CTNNA3: variants seen among roughly 807,000 people sequenced by gnomAD.
The protein encoded by CTNNA3 is catenin alpha 3, also known as catenin alpha-3.
A neutral mutation model predicts 95.7 loss-of-function variants in CTNNA3; 76 were observed. The ratio of observed to expected loss-of-function variants is 0.79; its 90% CI spans 0.66 to 0.96. CTNNA3 has a LOEUF of 0.96. CTNNA3 is among the 40% of genes least tolerant of loss of function. The probability of loss-of-function intolerance (pLI) is 0.00; values close to 1 mark genes in which losing one functional copy is unlikely to be tolerated. For missense variants in CTNNA3, 1,191 were observed against 1,089.8 expected (o/e 1.09, Z -1.31); for synonymous variants, 431 against 374.4 (o/e 1.15, Z -1.74).
chr10:66,426,763 A>G (rs1416625714), intron 11 of CTNNA3, among the ~76,000 whole-genome samples: 1 of 151,778 alleles, frequency 6.6e-6, no homozygotes, highest in Non-Finnish European at 1.5e-5. Context: ...AATTTGAAAG[A>G]TCATCCCACT....
chr10:66,658,385 A>C (rs1246552001), intron 9 of CTNNA3, among the ~76,000 whole-genome samples: 3 of 152,210 alleles, frequency 2.0e-5, no homozygotes, highest in Non-Finnish European at 4.4e-5. Context: ...GAAATAAATA[A>C]ATAAAAATTT....
At chr10:66,469,163 G>C (rs10997152) in intron 11 of CTNNA3, among the ~76,000 whole-genome samples, 9,405 of 151,852 alleles carry the variant, frequency 0.062, 609 homozygotes, top group African/African-American at 0.16. Context: ...AACAGTCTCT[G>C]ACCTTTTGGG....
At chr10:66,179,018 C>A (rs1477298199) in intron 13 of CTNNA3, among the ~76,000 whole-genome samples, 2 of 151,928 alleles carry the variant, frequency 1.3e-5, no homozygotes, top group African/African-American at 2.4e-5. Context: ...ACTAACCATG[C>A]AACTATTACA....
chr10:66,202,714 C>A (rs2087510039), intron 13 of CTNNA3, among the ~76,000 whole-genome samples: 2 of 152,040 alleles, frequency 1.3e-5, no homozygotes, highest in East Asian at 3.9e-4. Context: ...TGCTGTTTGT[C>A]TGGCAATATT....
chr10:66,970,443 T>G (rs1483183786), intron 7 of CTNNA3, among the ~76,000 whole-genome samples: 23 of 148,990 alleles, frequency 1.5e-4, no homozygotes, highest in Non-Finnish European at 3.0e-5. Flanking sequence ...ATATTACATT[T>G]GAGTTCAGTG....
At chr10:66,045,881 A>T (rs10996851) in intron 15 of CTNNA3, among the ~76,000 whole-genome samples, 19,376 of 152,214 alleles carry the variant, frequency 0.13, 1,355 homozygotes, top group Non-Finnish European at 0.16. Flanking sequence ...TCTCATTGCC[A>T]GGCCTATAAT....
At chr10:67,286,507 C>CG (rs1317851795) in intron 5 of CTNNA3, among the ~76,000 whole-genome samples, 1 of 152,194 alleles carries the variant, frequency 6.6e-6, no homozygotes, top group Non-Finnish European at 1.5e-5. Flanking sequence ...CATTATATAG[C>CG]TCATGTAAAG....
intron 5 of CTNNA3, among the ~76,000 whole-genome samples, chr10:67,245,365 C>G (rs1442448306): frequency 1.3e-5 from 2 of 152,158 alleles, no homozygotes; most frequent in Non-Finnish European, 2.9e-5. Context: ...CTATTTGTCA[C>G]TAATATATAC....
intron 10 of CTNNA3, among the ~76,000 whole-genome samples, chr10:66,583,656 A>AT (rs896660370): frequency 6.6e-4 from 100 of 150,578 alleles, no homozygotes; most frequent in Non-Finnish European, 8.9e-4. Context: ...GGTCCTTTGG[A>AT]TTTTTTTTGT....
In CTNNA3 at chr10:67,462,096, C is replaced by A. The variant is rs1331666220; in HGVS notation, c.579+59746G>T. Among the ~76,000 whole-genome samples, 3 of 152,202 alleles carry A rather than the reference C, an allele frequency of 2.0e-5. No individual in the cohort carries two copies. In the East Asian group the frequency reaches 5.8e-4, roughly 29 times the overall value. ...TAGCAGCTTCCTGACCTCTGAATCT[C>A]AGCTCTGGATCTCAGTTTCATGATA... On this transcript the variant is annotated intron_variant, in intron 5 of 17. Transcript: ENST00000433211.
At chr10:66,696,903 A>G (rs1377355288) in intron 9 of CTNNA3, among the ~76,000 whole-genome samples, 1 of 152,116 alleles carries the variant, frequency 6.6e-6, no homozygotes, top group Non-Finnish European at 1.5e-5. Context: ...CATGCCACAG[A>G]GTGAGATACT....
chr10:66,050,114 C>A (rs1180372138), intron 15 of CTNNA3, among the ~76,000 whole-genome samples: 1 of 151,932 alleles, frequency 6.6e-6, no homozygotes, highest in African/African-American at 2.4e-5. Flanking sequence ...TTTCACATAG[C>A]CTACCCTGAG....
intron 11 of CTNNA3, among the ~76,000 whole-genome samples, chr10:66,495,047 G>A (rs1018841000): frequency 6.6e-6 from 1 of 152,178 alleles, no homozygotes; most frequent in Non-Finnish European, 1.5e-5. Flanking sequence ...CACATTTCAT[G>A]TTGTATCGCC....
At chr10:66,135,850 G>A (rs1375196412) in intron 13 of CTNNA3, among the ~76,000 whole-genome samples, 2 of 151,768 alleles carry the variant, frequency 1.3e-5, no homozygotes. Flanking sequence ...TATAAAAAGG[G>A]CAAAATGCTT....
At chr10:67,036,871 G>A (rs1257552931) in intron 7 of CTNNA3, among the ~76,000 whole-genome samples, 1 of 151,752 alleles carries the variant, frequency 6.6e-6, no homozygotes, top group Admixed American at 6.6e-5. Context: ...ATAAAACATT[G>A]GATAAAAATT....
At chr10:66,132,234 A>G (rs2394191) in intron 13 of CTNNA3, among the ~76,000 whole-genome samples, 31,658 of 152,180 alleles carry the variant, frequency 0.21, 3,418 homozygotes, top group South Asian at 0.4. Context: ...AATCCCATTG[A>G]AAAGTGGACA....
intron 12 of CTNNA3, among the ~76,000 whole-genome samples, chr10:66,361,156 G>C (rs1451715557): frequency 6.8e-6 from 1 of 146,932 alleles, no homozygotes; most frequent in Non-Finnish European, 1.5e-5. Flanking sequence ...TTTAGTAGAA[G>C]TGAGGTCTCA....
At chr10:66,402,934 G>A (rs781462698) in intron 11 of CTNNA3, among the ~76,000 whole-genome samples, 17 of 151,990 alleles carry the variant, frequency 1.1e-4, no homozygotes, top group Non-Finnish European at 1.8e-4. Context: ...GTTTTTTCCC[G>A]AGGGCCTTGG....
intron 7 of CTNNA3, among the ~76,000 whole-genome samples, chr10:67,179,287 T>C (rs920791078): frequency 1.3e-5 from 2 of 151,978 alleles, no homozygotes; most frequent in Admixed American, 6.6e-5. Flanking sequence ...TCATAATCAA[T>C]ATATAATTGA....
Sources: allele counts gnomAD v4.1 joint callset (sites outside exome capture counted in the v4.1 genomes callset), GRCh38; gene constraint gnomAD v4.1.1; transcripts MANE v1.5; gene names NCBI Gene and HGNC (gene_info 2026-07-23, HGNC 2026-07-21).